The following LRP6 variants were observed in gnomAD, a reference collection of about 807,000 sequenced individuals.
LRP6 encodes low-density lipoprotein receptor-related protein 6.
LRP6 carries 43 observed loss-of-function variants against 184.1 expected under a neutral mutation model. That is an observed-to-expected ratio of 0.23 (90% CI 0.18 to 0.30). The LOEUF is 0.30. Ranked by LOEUF, LRP6 falls within the 10% of genes least tolerant of loss-of-function variation. LRP6 has a pLI of 1.00. For synonymous variants in LRP6, 719 were observed against 684.9 expected (o/e 1.05, Z -0.78); for missense variants, 1,571 against 2,005.3 (o/e 0.78, Z 4.14).
intron 12 of LRP6, among the ~76,000 whole-genome samples, chr12:12,152,282 C>A (rs1402527760): frequency 6.6e-6 from 1 of 152,090 alleles, no homozygotes; most frequent in African/African-American, 2.4e-5. Context: ...GTAAATTAAA[C>A]CTCTTTTTGT....
rs1038558061 is a variant in LRP6 at position 12,237,272 on chromosome 12, A to G, written c.449+6990T>C. Among the ~76,000 whole-genome samples, 8 of 152,348 alleles carry G rather than the reference A, an allele frequency of 5.3e-5. No homozygotes were observed. In the East Asian group the frequency reaches 1.5e-3, roughly 29 times the overall value. The stretch of plus-strand genomic sequence containing the variant: ...GGACTGAGACCAAATATATTTTCAC[A>G]ATATCACACTAATATAAATAACTGA... On this transcript the variant is annotated intron_variant, in intron 2 of 22. Coordinates refer to ENST00000261349, the MANE Select transcript of LRP6 (RefSeq NM_002336.3).
intron 7 of LRP6, among the ~76,000 whole-genome samples, chr12:12,168,221 G>C (rs1315132804): frequency 6.6e-6 from 1 of 152,034 alleles, no homozygotes; most frequent in East Asian, 1.9e-4. Flanking sequence ...GCCTCTTCCA[G>C]CTAATGTATT....
At chr12:12,225,021 A>G (rs1043888354) in intron 2 of LRP6, among the ~76,000 whole-genome samples, 2 of 152,122 alleles carry the variant, frequency 1.3e-5, no homozygotes, top group African/African-American at 2.4e-5. Flanking sequence ...CCTGACCAAC[A>G]TGGTTAAACC....
At chr12:12,155,758 G>T in intron 12 of LRP6, 1 of 952,984 alleles carries the variant, frequency 1.0e-6, no homozygotes, top group South Asian at 1.3e-5. Flanking sequence ...TATTCCCTAT[G>T]AATTCATGGC....
intron 12 of LRP6, among the ~76,000 whole-genome samples, chr12:12,155,089 A>G (rs553541438): frequency 3.9e-5 from 6 of 152,274 alleles, no homozygotes; most frequent in African/African-American, 9.6e-5. Context: ...TCAGCTACTC[A>G]GGAGGCTAAG....
intron 2 of LRP6, among the ~76,000 whole-genome samples, chr12:12,229,265 G>A (rs547330551): frequency 6.6e-6 from 1 of 151,900 alleles, no homozygotes; most frequent in East Asian, 1.9e-4. Context: ...AGCTACTTGG[G>A]AGGCTGAGGC....
At chr12:12,128,167 CATATTCA>C (rs974698665) in intron 19 of LRP6, among the ~76,000 whole-genome samples, 1 of 152,150 alleles carries the variant, frequency 6.6e-6, no homozygotes, top group Non-Finnish European at 1.5e-5. Flanking sequence ...TACTATTTGC[CATATTCA>C]ATATATTCAT....
At position 12,147,797 on chromosome 12, in the gene LRP6, C is replaced by T. The variant is rs1014186455; in HGVS notation, c.3207-241G>A. Among the ~76,000 whole-genome samples the T allele has an allele frequency of 8.6e-5, 13 of 151,970 alleles. No homozygotes were observed. The East Asian group carries it at 1.9e-3, about 23-fold the overall frequency. On this transcript the variant is annotated intron_variant, in intron 14 of 22. Transcript: ENST00000261349. ...GACCAGCTTGGGCAACACAGCAAAA[C>T]CCCATTTCTACAAAAAATACCCCAA...
chr12:12,236,371 G>A (rs1864933456), intron 2 of LRP6, among the ~76,000 whole-genome samples: 3 of 152,136 alleles, frequency 2.0e-5, no homozygotes, highest in South Asian at 2.1e-4. Flanking sequence ...CAACCTACAG[G>A]ATAAAATAAA....
rs1476164822 is a variant in LRP6 at position 12,148,931 on chromosome 12, T to C, written c.3206+11A>G. The C allele has an allele frequency of 6.2e-7, 1 of 1,607,820 alleles. No individual in the cohort carries two copies. Among genetic ancestry groups the C allele is most frequent in the Non-Finnish European group, 8.5e-7 (1 of 1,175,522 alleles). ...AAGCCACAGTATCTGAACGCCACTT[T>C]AGTAACATACCCTTTCTCTGGGTTT... On this transcript the variant is annotated intron_variant, in intron 14 of 22. Coordinates refer to ENST00000261349, the MANE Select transcript of LRP6 (RefSeq NM_002336.3).
At chr12:12,193,675 T>G (rs1416667798) in intron 3 of LRP6, among the ~76,000 whole-genome samples, 1 of 151,992 alleles carries the variant, frequency 6.6e-6, no homozygotes, top group African/African-American at 2.4e-5. Flanking sequence ...TTACTAAAAC[T>G]GACTCAAGAA....
intron 7 of LRP6, among the ~76,000 whole-genome samples, chr12:12,170,853 CTT>C (rs754298133): frequency 6.7e-6 from 1 of 149,830 alleles, no homozygotes; most frequent in Admixed American, 6.7e-5. Context: ...AAAAAAACTA[CTT>C]TTTTTCTTCT....
chr12:12,265,738 G>C (rs534211326), intron 1 of LRP6, among the ~76,000 whole-genome samples: 1 of 152,194 alleles, frequency 6.6e-6, no homozygotes. Context: ...AGTTTGAGAA[G>C]AGCTGCCGAC....
intron 2 of LRP6, among the ~76,000 whole-genome samples, chr12:12,218,668 A>T (rs771678473): frequency 6.6e-6 from 1 of 151,978 alleles, no homozygotes; most frequent in African/African-American, 2.4e-5. Flanking sequence ...ATAACTTTTT[A>T]AAAAAGGAGA....
At chr12:12,230,738 T>G (rs1039882899) in intron 2 of LRP6, among the ~76,000 whole-genome samples, 1 of 152,220 alleles carries the variant, frequency 6.6e-6, no homozygotes, top group Non-Finnish European at 1.5e-5. Flanking sequence ...CAGAAAATAC[T>G]TCTTTTACAA....
chr12:12,195,232 G>C (rs1005461438), intron 3 of LRP6, among the ~76,000 whole-genome samples: 1 of 152,102 alleles, frequency 6.6e-6, no homozygotes, highest in Admixed American at 6.6e-5. Flanking sequence ...GGGACTACTG[G>C]ATCATATGGT....
intron 2 of LRP6, among the ~76,000 whole-genome samples, chr12:12,234,383 G>A (rs1864876915): frequency 6.6e-6 from 1 of 152,120 alleles, no homozygotes; most frequent in Non-Finnish European, 1.5e-5. Context: ...CCGGAAGGCG[G>A]AGGTTGCAGT....
chr12:12,180,992 T>C (rs745386716), intron 6 of LRP6, 51 bp downstream of exon 6: 8 of 1,601,254 alleles, frequency 5.0e-6, no homozygotes, highest in Non-Finnish European at 3.4e-6. Context: ...TTCAGGAACC[T>C]GTGAAAAACA....
At chr12:12,131,139 G>GCT (rs1282912260) in intron 18 of LRP6, among the ~76,000 whole-genome samples, 6 of 107,408 alleles carry the variant, frequency 5.6e-5, no homozygotes, top group African/African-American at 1.8e-4. Context: ...ACGGAGTCTT[G>GCT]CTCTGTCGCC....
Sources: gnomAD v4.1 joint callset for allele counts (sites outside exome capture counted in the v4.1 genomes callset) on GRCh38, gnomAD v4.1.1 for gene constraint, MANE v1.5 for transcripts, NCBI Gene and HGNC (gene_info 2026-07-23, HGNC 2026-07-21) for gene names.